Variants in NLRC3 observed in about 807,000 individuals in gnomAD.
The protein encoded by NLRC3 is NLR family CARD domain containing 3, also known as NLR family CARD domain-containing protein 3.
A neutral mutation model predicts 91.6 loss-of-function variants in NLRC3; 87 were observed. The ratio of observed to expected loss-of-function variants is 0.95; its 90% CI spans 0.80 to 1.14. The LOEUF (loss-of-function observed/expected upper bound fraction) is 1.14, where lower values mean the gene tolerates loss of function less well. Ranked by LOEUF, NLRC3 falls within the 50% of genes most tolerant of loss-of-function variation. The probability of loss-of-function intolerance (pLI) is 0.00; values close to 1 mark genes in which losing one functional copy is unlikely to be tolerated. For missense variants in NLRC3, 1,577 were observed against 1,418.6 expected (o/e 1.11, Z -1.79); for synonymous variants, 694 against 625.3 (o/e 1.11, Z -1.64).
In NLRC3 at chr16:3,562,458, T is replaced by G. The variant is rs144966827; in HGVS notation, c.1928+551A>C. On this transcript the variant is annotated intron_variant, in intron 5 of 19. Coordinates refer to ENST00000359128, the MANE Select transcript of NLRC3 (RefSeq NM_178844.4). ...GAGTTTGAGAGCAGCCTGGCCAACA[T>G]GGTGAAACCCCGTCTCTACTAAAAA... Among the ~76,000 whole-genome samples, 169 of 152,158 alleles carry G rather than the reference T, an allele frequency of 1.1e-3. 1 individual carries two copies. The East Asian group carries it at 0.027, about 24-fold the overall frequency.
At chr16:3,557,477 G>A (rs1365043281) in intron 7 of NLRC3, 116 bp downstream of exon 7, 13 of 641,954 alleles carry the variant, frequency 2.0e-5, no homozygotes, top group Non-Finnish European at 3.1e-5. Flanking sequence ...GGGAATCAGG[G>A]AAGAACAGAC....
rs369978468 is a variant in NLRC3 at position 3,542,247 on chromosome 16, G to A, written c.3051C>T (p.Asp1017=). Residue 1017 remains aspartate, a synonymous_variant, in exon 19 of 20, where the codon GAC becomes GAT. Transcript: ENST00000359128. Reference sequence around the variant, plus strand: ...GTGCTGTGGCAATGCATATCGCCCCGTCCATCCCCAGAGAATTCTCTTGAA... The same window carrying A: ...GTGCTGTGGCAATGCATATCGCCCCATCCATCCCCAGAGAATTCTCTTGAA... ...LNLQENSLGM[D]GAICIATALS... The A allele has an allele frequency of 2.1e-5, 34 of 1,593,572 alleles. No individual in the cohort carries two copies. Among genetic ancestry groups the A allele is most frequent in the Middle Eastern group, 1.6e-4 (1 of 6,070 alleles).
At chr16:3,570,091 G>A (rs1279083986) in intron 1 of NLRC3, among the ~76,000 whole-genome samples, 6 of 152,152 alleles carry the variant, frequency 3.9e-5, no homozygotes, top group Non-Finnish European at 8.8e-5. Flanking sequence ...GGAAGTGGGA[G>A]TTGGGATAGA....
At chr16:3,548,567 G>A (rs2038819549) in intron 14 of NLRC3, 103 bp downstream of exon 14, 1 of 871,564 alleles carries the variant, frequency 1.1e-6, no homozygotes, top group Non-Finnish European at 1.8e-6. Context: ...ACCTTTGCAG[G>A]GGGTGTCCCC....
intron 7 of NLRC3, 74 bp downstream of exon 7, chr16:3,557,519 G>T: frequency 1.2e-6 from 1 of 846,958 alleles, no homozygotes; most frequent in South Asian, 1.5e-5. Flanking sequence ...CTAGGAGGGA[G>T]GGGACTTCAC....
chr16:3,543,497 G>A lies in NLRC3; in HGVS notation c.2867C>T (p.Ala956Val). Residue 956 changes from alanine to valine, a missense_variant, in exon 17 of 20, where the codon GCC becomes GTC. Ala to Val is a moderately conservative substitution (Grantham distance 64). Transcript: ENST00000359128. ...CTGGGCGCCTGAAGCACCAATTGAG[G>A]CCACCTGGAGACTGGGGCGGAGAGG... is the stretch of plus-strand genomic sequence containing the variant. ...TALTALYLQVASIGASGAQVL... is the reference protein window; with the variant it reads ...TALTALYLQVVSIGASGAQVL... The A allele has an allele frequency of 6.2e-7, 1 of 1,612,578 alleles. No homozygotes were observed. The highest frequency in any genetic ancestry group is 8.5e-7 in the Non-Finnish European group (1 of 1,179,364).
chr16:3,574,196 G>T (rs2040200913), intron 1 of NLRC3, among the ~76,000 whole-genome samples: 1 of 151,550 alleles, frequency 6.6e-6, no homozygotes, highest in South Asian at 2.1e-4. Flanking sequence ...TTGTATTTTT[G>T]TAGAGACAGG....
chr16:3,561,837 G>C, intron 5 of NLRC3, 49 bp from the exon 6 acceptor site: 5 of 1,430,802 alleles, frequency 3.5e-6, no homozygotes, highest in Non-Finnish European at 4.9e-6. Flanking sequence ...CCCACGGGCA[G>C]GGTGGGGGCC....
At chr16:3,548,086 C>G (rs1342046060) in intron 15 of NLRC3, 49 bp downstream of exon 15, 2 of 1,313,608 alleles carry the variant, frequency 1.5e-6, no homozygotes, top group Admixed American at 2.0e-5. Flanking sequence ...TTCAGATTCC[C>G]CTGTCCTCAA....
chr16:3,564,818 G>C lies in NLRC3; in HGVS notation c.178+41C>G. 6.3e-7 allele frequency: 1 copy of C among 1,578,356 alleles called. No homozygotes were observed. Among genetic ancestry groups the C allele is most frequent in the Non-Finnish European group, 8.6e-7 (1 of 1,164,036 alleles). On this transcript the variant is annotated intron_variant, in intron 4 of 19. Coordinates refer to ENST00000359128, the MANE Select transcript of NLRC3 (RefSeq NM_178844.4). This position sits in a 1 kb window ranked among gnomAD's most constrained non-coding sequence, Gnocchi z 5.9. ...GGGAAGAGTGGGCACAATCAGCCCA[G>C]GTGTTCCCCACCCCGCGTCTGCCTC...
chr16:3,542,099 C>T (rs947919084), intron 19 of NLRC3, 92 bp downstream of exon 19: 64 of 963,908 alleles, frequency 6.6e-5, no homozygotes, highest in South Asian at 6.2e-4. Context: ...GCTGAAGCGT[C>T]TGGGGGTCAG....
rs1456560355 is a variant in NLRC3, at chr16:3,542,755, C to T, written c.2960G>A (p.Gly987Glu). 6.2e-6 allele frequency: 10 copies of T among 1,608,260 alleles called. No homozygotes were observed. The highest frequency in any genetic ancestry group is 1.3e-5 in the African/African-American group (1 of 74,952). ...TGCCAGGGCTTTGGCTCCAGCCACCCCAATGGCATTTCCTCTTAAGCTGTT... is the reference window on the plus strand; with the variant it reads ...TGCCAGGGCTTTGGCTCCAGCCACCTCAATGGCATTTCCTCTTAAGCTGTT... ...EILDLRGNAI[G>E]VAGAKALANA... The change falls in exon 18 of 20, where the codon GGG becomes GAG. Residue 987 changes from glycine to glutamate, a missense_variant. Transcript: ENST00000359128.
Position 3,541,762 on chromosome 16 carries a change from G to A in NLRC3, c.*63C>T, listed in dbSNP as rs1315495206. On this transcript the variant is annotated 3_prime_UTR_variant, in exon 20 of 20. Coordinates refer to ENST00000359128, the MANE Select transcript of NLRC3 (RefSeq NM_178844.4). Reference sequence around the variant, plus strand: ...CTCCCAGACAGGCCCCCCAGAAGTCGGCCTTTCTGTTCAAAAGCTTCCAGC... The same window carrying A: ...CTCCCAGACAGGCCCCCCAGAAGTCAGCCTTTCTGTTCAAAAGCTTCCAGC... The A allele has an allele frequency of 2.7e-6, 3 of 1,131,446 alleles. No individual in the cohort carries two copies. The highest frequency in any genetic ancestry group is 4.0e-6 in the Non-Finnish European group (3 of 759,398). 70.1% of individuals were successfully genotyped at this position (1,131,446 alleles called of 1,614,324 possible).
intron 6 of NLRC3, among the ~76,000 whole-genome samples, chr16:3,559,651 T>G (rs997748957): frequency 3.3e-5 from 5 of 151,266 alleles, no homozygotes; most frequent in African/African-American, 9.7e-5. Context: ...TTCTTTTTTT[T>G]TTTTTGAGAC....
intron 18 of NLRC3, 126 bp from the exon 19 acceptor site, chr16:3,542,400 C>A: frequency 1.4e-6 from 1 of 696,608 alleles, no homozygotes; most frequent in African/African-American, 1.7e-5. Flanking sequence ...GCCATGGCAA[C>A]TCCAGGTGGG....
Position 3,563,135 on chromosome 16 carries a change from C to T in NLRC3, c.1802G>A (p.Arg601His), listed in dbSNP as rs138457262. 3,578 of 1,584,840 alleles carry T rather than the reference C, an allele frequency of 2.3e-3. 17 individuals carry two copies. The highest frequency in any genetic ancestry group is 0.015 in the African/African-American group (1,118 of 74,584). ...ALARLTGPAH[R>H]AALAYLLQVS... ...CTGCAGGAGGTAGGCCAGGGCAGCGCGGTGCGCGGGACCAGTCAGCCTGGC... is the reference window on the plus strand; with the variant it reads ...CTGCAGGAGGTAGGCCAGGGCAGCGTGGTGCGCGGGACCAGTCAGCCTGGC... Residue 601 changes from arginine (R) to histidine (H), a missense_variant, in exon 5 of 20, where the codon CGC becomes CAC. Transcript: ENST00000359128.
chr16:3,553,575 G>C (rs2039124312), intron 9 of NLRC3, among the ~76,000 whole-genome samples: 1 of 152,202 alleles, frequency 6.6e-6, no homozygotes, highest in Non-Finnish European at 1.5e-5. Context: ...CTCTAGAAAA[G>C]TGAGCTTTCT....
Position 3,542,693 on chromosome 16 carries a change from T to G in NLRC3, c.3022A>C (p.Asn1008His). 6.2e-7 allele frequency: 1 copy of G among 1,603,456 alleles called. No individual in the cohort carries two copies. The highest frequency in any genetic ancestry group is 8.5e-7 in the Non-Finnish European group (1 of 1,172,420). The part of the protein sequence containing the change: ...LKVNSSLRRL[N>H]LQENSLGMDG... ...AGGTAGGTCCCTCCAGCCACTTACTTGAGTCTCCGGAGACTTGAGTTTACC... is the reference window on the plus strand; with the variant it reads ...AGGTAGGTCCCTCCAGCCACTTACTGGAGTCTCCGGAGACTTGAGTTTACC... Residue 1008 changes from asparagine (N) to histidine (H), a missense_variant and splice_region_variant, in exon 18 of 20, where the codon AAT becomes CAT. Physicochemically the swap from Asn to His is moderately conservative, Grantham distance 68. Coordinates refer to ENST00000359128, the MANE Select transcript of NLRC3 (RefSeq NM_178844.4).
intron 18 of NLRC3, 43 bp from the exon 19 acceptor site, chr16:3,542,317 C>T: frequency 7.7e-7 from 1 of 1,292,350 alleles, no homozygotes; most frequent in Non-Finnish European, 1.1e-6. Context: ...GCCATCAGGG[C>T]AGAAGGAAAA....
Sources: allele counts gnomAD v4.1 joint callset (sites outside exome capture counted in the v4.1 genomes callset), GRCh38; gene constraint gnomAD v4.1.1; non-coding constraint Gnocchi (gnomAD v3.1); transcripts MANE v1.5; gene names NCBI Gene and HGNC (gene_info 2026-07-23, HGNC 2026-07-21).